The following FBXL17 variants were observed in gnomAD, a reference collection of about 807,000 sequenced individuals.
FBXL17 encodes F-box/LRR-repeat protein 17.
FBXL17 carries 22 observed loss-of-function variants against 66.2 expected under a neutral mutation model. That is an observed-to-expected ratio of 0.33 (90% CI 0.24 to 0.47). The LOEUF (loss-of-function observed/expected upper bound fraction) is 0.47, where lower values mean the gene tolerates loss of function less well. Among genes scored for constraint, FBXL17 ranks in the 20% least tolerant of loss-of-function variants. FBXL17 has a pLI of 1.00. For missense variants in FBXL17, 878 were observed against 948.2 expected, an observed-to-expected ratio of 0.93 and a Z score of 0.97; for synonymous variants, 474 against 400.5, an observed-to-expected ratio of 1.18 and a Z score of -2.19.
intron 4 of FBXL17, among the ~76,000 whole-genome samples, chr5:108,267,279 T>C (rs1757081932): frequency 1.3e-5 from 2 of 152,024 alleles, no homozygotes; most frequent in South Asian, 4.1e-4. Flanking sequence ...TTTGAAATTG[T>C]TATATAATCT....
At chr5:107,878,382 AT>A in intron 8 of FBXL17, 2 of 768,942 alleles carry the variant, frequency 2.6e-6, no homozygotes, top group Non-Finnish European at 3.2e-6. Flanking sequence ...CATTTTATAT[AT>A]AATAGACATT....
intron 7 of FBXL17, among the ~76,000 whole-genome samples, chr5:107,992,653 G>A (rs1269910483): frequency 6.6e-6 from 1 of 151,992 alleles, no homozygotes; most frequent in African/African-American, 2.4e-5. Flanking sequence ...TTTTATCAAG[G>A]AAAATTTTAA....
At chr5:108,318,027 T>C (rs1321236862) in intron 4 of FBXL17, among the ~76,000 whole-genome samples, 1 of 151,484 alleles carries the variant, frequency 6.6e-6, no homozygotes, top group Non-Finnish European at 1.5e-5. Context: ...ACAAAAATAT[T>C]CCAATGCCTG....
intron 6 of FBXL17, among the ~76,000 whole-genome samples, chr5:108,025,035 T>A (rs1055558361): frequency 1.3e-5 from 2 of 152,160 alleles, no homozygotes; most frequent in Non-Finnish European, 2.9e-5. Context: ...CCATTCTACA[T>A]ACATACCAAA....
chr5:108,066,500 A>T (rs1224765189), intron 6 of FBXL17, among the ~76,000 whole-genome samples: 1 of 151,912 alleles, frequency 6.6e-6, no homozygotes, highest in Non-Finnish European at 1.5e-5. Context: ...CAAACAACTT[A>T]GATAATTCTT....
At chr5:108,303,357 C>A (rs2150182721) in intron 4 of FBXL17, among the ~76,000 whole-genome samples, 1 of 110,074 alleles carries the variant, frequency 9.1e-6, no homozygotes, top group South Asian at 4.0e-4. Context: ...AACACACAGG[C>A]ATAAACACAC....
chr5:107,961,681 G>A (rs1409403560), intron 7 of FBXL17, among the ~76,000 whole-genome samples: 1 of 152,104 alleles, frequency 6.6e-6, no homozygotes, highest in African/African-American at 2.4e-5. Flanking sequence ...TGGATAAAAT[G>A]GAACATAAAA....
chr5:108,370,926 C>T (rs956087501), intron 1 of FBXL17, among the ~76,000 whole-genome samples: 2 of 151,782 alleles, frequency 1.3e-5, no homozygotes, highest in South Asian at 4.2e-4. Flanking sequence ...TGGAAGGGTG[C>T]CAAAATTTGA....
intron 6 of FBXL17, among the ~76,000 whole-genome samples, chr5:108,026,111 C>T (rs1386269359): frequency 1.3e-5 from 2 of 152,014 alleles, no homozygotes; most frequent in Admixed American, 6.6e-5. Context: ...TGAGTCAATT[C>T]GAGAATCTAT....
At chr5:108,025,584 C>A (rs548042781) in intron 6 of FBXL17, among the ~76,000 whole-genome samples, 2 of 151,810 alleles carry the variant, frequency 1.3e-5, no homozygotes, top group South Asian at 2.1e-4. Context: ...AGAAATAGAA[C>A]CTCATTTTCA....
At chr5:108,261,968 A>C (rs942218558) in intron 4 of FBXL17, among the ~76,000 whole-genome samples, 7 of 151,966 alleles carry the variant, frequency 4.6e-5, no homozygotes, top group African/African-American at 1.4e-4. Flanking sequence ...AGATTCACCA[A>C]ACTTAGGGAT....
rs534175528 is a variant in FBXL17, at chr5:108,303,026, T to C, written c.1506+45373A>G. Among the ~76,000 whole-genome samples, 15 of 151,972 alleles carry C rather than the reference T, an allele frequency of 9.9e-5. No individual in the cohort carries two copies. In the East Asian group the frequency reaches 2.5e-3, roughly 25 times the overall value. On this transcript the variant is annotated intron_variant, in intron 4 of 8. Transcript: ENST00000542267. Reference sequence around the variant, plus strand: ...ACATGAAATTATATAGTTTCACCATTACATTTAAGCCCTTGGTCTAAATCT... The same window carrying C: ...ACATGAAATTATATAGTTTCACCATCACATTTAAGCCCTTGGTCTAAATCT...
At chr5:108,116,366 G>T (rs1750249047) in intron 6 of FBXL17, among the ~76,000 whole-genome samples, 1 of 151,908 alleles carries the variant, frequency 6.6e-6, no homozygotes, top group Non-Finnish European at 1.5e-5. Context: ...AGGGTCATGT[G>T]CAGTGGCTCA....
intron 6 of FBXL17, among the ~76,000 whole-genome samples, chr5:108,117,159 A>C (rs1270046400): frequency 6.6e-6 from 1 of 152,192 alleles, no homozygotes; most frequent in Non-Finnish European, 1.5e-5. Flanking sequence ...ACAGTGTTTA[A>C]AAACTGATTG....
chr5:108,368,687 A>G (rs979354970), intron 1 of FBXL17, among the ~76,000 whole-genome samples: 9 of 152,158 alleles, frequency 5.9e-5, no homozygotes, highest in African/African-American at 2.2e-4. Flanking sequence ...GTGAAACCAC[A>G]TAAAGACTGG....
intron 4 of FBXL17, among the ~76,000 whole-genome samples, chr5:108,335,355 T>C (rs1158051885): frequency 7.0e-6 from 1 of 142,916 alleles, no homozygotes; most frequent in African/African-American, 2.6e-5. Context: ...AAAAAAAAAA[T>C]ACGTTTTTTT....
At chr5:107,902,567 A>T (rs1037782100) in intron 7 of FBXL17, among the ~76,000 whole-genome samples, 3 of 152,130 alleles carry the variant, frequency 2.0e-5, no homozygotes, top group African/African-American at 7.2e-5. Context: ...GATTTCAAAC[A>T]GGTAAATTCG....
At chr5:108,380,676 C>T (rs1377147507) in intron 1 of FBXL17, 23 bp downstream of exon 1, 6 of 1,247,032 alleles carry the variant, frequency 4.8e-6, no homozygotes, top group Non-Finnish European at 6.1e-6. Flanking sequence ...GCGAGCATCC[C>T]TGCGCCTCTC....
intron 4 of FBXL17, among the ~76,000 whole-genome samples, chr5:108,264,569 T>C (rs774302857): frequency 6.6e-6 from 1 of 152,184 alleles, no homozygotes; most frequent in Non-Finnish European, 1.5e-5. Flanking sequence ...TAAGTAGGCT[T>C]AAAATGAAAA....
Sources: allele counts gnomAD v4.1 joint callset (sites outside exome capture counted in the v4.1 genomes callset), GRCh38; gene constraint gnomAD v4.1.1; transcripts MANE v1.5; gene names NCBI Gene and HGNC (gene_info 2026-07-23, HGNC 2026-07-21).